The following AFF2 variants were observed in gnomAD, a reference collection of about 807,000 sequenced individuals.
AFF2 encodes AF4/FMR2 family member 2.
Under a neutral mutation model 76.9 loss-of-function variants are expected in AFF2, and 14 were observed. The ratio of observed to expected loss-of-function variants is 0.18; its 90% confidence interval spans 0.12 to 0.28. AFF2 has a LOEUF of 0.28. Among genes scored for constraint, AFF2 ranks in the 10% least tolerant of loss-of-function variants. AFF2 has a pLI of 1.00. For missense variants in AFF2, 868 were observed against 1,001.1 expected, an observed-to-expected ratio of 0.87 and a Z score of 1.79; for synonymous variants, 398 against 366.7, an observed-to-expected ratio of 1.09 and a Z score of -0.98.
intron 1 of AFF2, among the ~76,000 whole-genome samples, chrX:148,612,223 C>T (rs868988139): frequency 3.6e-5 from 4 of 111,740 alleles, no homozygotes; most frequent in Admixed American, 1.9e-4. Context: ...TCCTAAGCCT[C>T]CGTCCATGTA....
chrX:148,664,608 T>C (rs1013969357), intron 3 of AFF2, among the ~76,000 whole-genome samples: 19 of 112,286 alleles, frequency 1.7e-4, no homozygotes, highest in Admixed American at 5.7e-4. Context: ...GATTTAGTTA[T>C]GTTTCTATCT....
intron 7 of AFF2, among the ~76,000 whole-genome samples, chrX:148,869,576 G>C (rs2070947426): frequency 8.9e-6 from 1 of 111,733 alleles, no homozygotes; most frequent in South Asian, 3.8e-4. Context: ...GAGCGTTATA[G>C]CTGTCAGGGC....
Position 148,695,054 on chromosome X carries a change from G to A in AFF2, c.1041+32286G>A, listed in dbSNP as rs782447624. Among the ~76,000 whole-genome samples, 76 of 110,470 alleles carry A rather than the reference G, an allele frequency of 6.9e-4. 2 individuals are homozygous for A. Among genetic ancestry groups the A allele is most frequent in the Non-Finnish European group, 4.2e-4 (22 of 52,862 alleles). ...TGGTCTCGAACTCCTGACCTCAGGT[G>A]ATCCACCTGCCTCTGCCTCCCAAAG... On this transcript the variant is annotated intron_variant, in intron 3 of 20. Transcript: ENST00000370460.
At chrX:148,968,912 C>G (rs1763571574) in intron 15 of AFF2, among the ~76,000 whole-genome samples, 1 of 111,976 alleles carries the variant, frequency 8.9e-6, no homozygotes, top group African/African-American at 3.2e-5. Flanking sequence ...GCTGCTCCCT[C>G]AAAGACCAAA....
intron 9 of AFF2, among the ~76,000 whole-genome samples, chrX:148,913,856 G>A (rs1174265148): frequency 1.5e-4 from 17 of 112,135 alleles, no homozygotes; most frequent in Admixed American, 1.4e-3. Flanking sequence ...ATATTGCCGT[G>A]TAGTGATCTT....
intron 1 of AFF2, among the ~76,000 whole-genome samples, chrX:148,637,737 T>C (rs919744674): frequency 4.4e-5 from 5 of 112,777 alleles, no homozygotes; most frequent in Admixed American, 9.4e-5. Context: ...AAATCTGTTA[T>C]ATATTTTACA....
intron 1 of AFF2, among the ~76,000 whole-genome samples, chrX:148,540,874 C>T (rs1031443976): frequency 4.5e-5 from 5 of 112,036 alleles, no homozygotes; most frequent in Non-Finnish European, 7.5e-5. Context: ...TGGTGTCTTT[C>T]GTTAGTAAAA....
chrX:148,960,394 C>T (rs1557287876), intron 12 of AFF2, among the ~76,000 whole-genome samples: 1 of 112,627 alleles, frequency 8.9e-6, no homozygotes. Context: ...ATGTTCCTTA[C>T]ACCAAATGGT....
intron 11 of AFF2, among the ~76,000 whole-genome samples, chrX:148,957,266 A>G (rs2072052677): frequency 9.0e-6 from 1 of 111,121 alleles, no homozygotes; most frequent in Admixed American, 9.6e-5. Context: ...AGGTAATCTT[A>G]TTTCTAAGGC....
intron 7 of AFF2, among the ~76,000 whole-genome samples, chrX:148,856,580 T>C (rs929806691): frequency 1.8e-5 from 2 of 111,312 alleles, no homozygotes; most frequent in Non-Finnish European, 3.8e-5. Flanking sequence ...TCAGAGGTAG[T>C]GGAGCAAATA....
chrX:148,561,421 T>C (rs2053111790), intron 1 of AFF2, among the ~76,000 whole-genome samples: 1 of 112,197 alleles, frequency 8.9e-6, no homozygotes, highest in Admixed American at 9.4e-5. Flanking sequence ...ATTGAACTCA[T>C]TTTCATTACA....
chrX:148,550,179 A>C (rs1557238708), intron 1 of AFF2, among the ~76,000 whole-genome samples: 1 of 112,238 alleles, frequency 8.9e-6, no homozygotes, highest in Non-Finnish European at 1.9e-5. Flanking sequence ...TGTCAAAAGA[A>C]GTGATTTCAA....
At chrX:148,772,569 C>T (rs1462333797) in intron 3 of AFF2, among the ~76,000 whole-genome samples, 15 of 89,677 alleles carry the variant, frequency 1.7e-4, no homozygotes, top group African/African-American at 5.5e-4. Context: ...ACCAGAGCCC[C>T]CTATGATTTT....
At chrX:148,770,609 G>A (rs1229093818) in intron 3 of AFF2, among the ~76,000 whole-genome samples, 1 of 111,598 alleles carries the variant, frequency 9.0e-6, no homozygotes, top group Non-Finnish European at 1.9e-5. Context: ...TGATAAGTGG[G>A]AGGGATTTTC....
chrX:148,639,776 A>G (rs1223641617), intron 1 of AFF2, among the ~76,000 whole-genome samples: 1 of 111,935 alleles, frequency 8.9e-6, no homozygotes, highest in African/African-American at 3.3e-5. Context: ...AAGAAAAGCA[A>G]GCATTTTCTG....
At chrX:148,756,972 A>C (rs188610725) in intron 3 of AFF2, among the ~76,000 whole-genome samples, 63 of 112,506 alleles carry the variant, frequency 5.6e-4, no homozygotes, top group Non-Finnish European at 1.1e-3. Context: ...AGTCCAAAAA[A>C]AGGGTCAGGT....
At chrX:148,701,605 C>T (rs2054801160) in intron 3 of AFF2, among the ~76,000 whole-genome samples, 1 of 112,203 alleles carries the variant, frequency 8.9e-6, no homozygotes, top group South Asian at 3.6e-4. Flanking sequence ...TATTTTAATA[C>T]TCTACAGAAT....
intron 1 of AFF2, among the ~76,000 whole-genome samples, chrX:148,572,275 T>A (rs2053238183): frequency 8.9e-6 from 1 of 111,858 alleles, no homozygotes; most frequent in Non-Finnish European, 1.9e-5. Context: ...GGCGAGGATG[T>A]CGCGAAATTA....
At chrX:148,804,272 G>C (rs1213523678) in intron 3 of AFF2, among the ~76,000 whole-genome samples, 2 of 111,951 alleles carry the variant, frequency 1.8e-5, no homozygotes. Flanking sequence ...CTTGCCCAAG[G>C]TCATAAAGCA....
Sources: allele counts gnomAD v4.1 joint callset (sites outside exome capture counted in the v4.1 genomes callset), GRCh38; gene constraint gnomAD v4.1.1; transcripts MANE v1.5; gene names NCBI Gene and HGNC (gene_info 2026-07-23, HGNC 2026-07-21).